The following RIT2 variants were observed in gnomAD, a reference collection of about 807,000 sequenced individuals.
RIT2 encodes the protein GTP-binding protein Rit2.
In RIT2, 24 loss-of-function variants were observed where a neutral mutation model predicts 23.7. The ratio of observed to expected loss-of-function variants is 1.01; its 90% confidence interval spans 0.73 to 1.43. RIT2 has a LOEUF of 1.43. Ranked by LOEUF, RIT2 falls within the 40% of genes most tolerant of loss-of-function variation. The pLI is 0.00. For missense variants in RIT2, 236 were observed against 266.9 expected (o/e 0.88, Z 0.81); for synonymous variants, 107 against 91.1 (o/e 1.17, Z -0.99).
intron 3 of RIT2, among the ~76,000 whole-genome samples, chr18:42,935,968 C>A (rs1486223739): frequency 6.6e-6 from 1 of 151,664 alleles, no homozygotes; most frequent in Non-Finnish European, 1.5e-5. Flanking sequence ...ATTTGGCCCG[C>A]GGGCAATCCA....
At chr18:42,748,666 A>G (rs1912975053) in intron 4 of RIT2, among the ~76,000 whole-genome samples, 1 of 152,042 alleles carries the variant, frequency 6.6e-6, no homozygotes, top group South Asian at 2.1e-4. Context: ...ACAATTCACA[A>G]ATGCAAAAAC....
At chr18:42,944,671 G>T (rs1231228016) in intron 3 of RIT2, among the ~76,000 whole-genome samples, 1 of 152,082 alleles carries the variant, frequency 6.6e-6, no homozygotes, top group Non-Finnish European at 1.5e-5. Flanking sequence ...AAATTCCATT[G>T]TTGTTGTTGA....
chr18:43,009,173 A>G (rs902495447), intron 2 of RIT2, among the ~76,000 whole-genome samples: 1 of 151,676 alleles, frequency 6.6e-6, no homozygotes, highest in Non-Finnish European at 1.5e-5. Flanking sequence ...AAAAAACCGA[A>G]GACATCCTAA....
chr18:42,780,926 G>A (rs1913797186), intron 4 of RIT2, among the ~76,000 whole-genome samples: 1 of 151,490 alleles, frequency 6.6e-6, no homozygotes, highest in Non-Finnish European at 1.5e-5. Context: ...CACAATGTTA[G>A]ATGGTACTAT....
Position 42,743,499 on chromosome 18 carries a change from C to T in RIT2, c.648G>A (p.Met216Ile). Residue 216 changes from methionine to isoleucine, a missense_variant, in exon 5 of 5, where the codon ATG becomes ATA. Transcript: ENST00000326695. ...GAACTCAAAAGCAAAGATATCATGTCATATTTTCTCTCTTCTTCTTCAAAG... is the reference window on the plus strand; with the variant it reads ...GAACTCAAAAGCAAAGATATCATGTTATATTTTCTCTCTTCTTCTTCAAAG... Reference protein sequence around the residue: ...KGSLKKKRENMT With the variant: ...KGSLKKKRENIT 1.9e-6 allele frequency: 3 copies of T among 1,608,874 alleles called. No individual in the cohort carries two copies. Among genetic ancestry groups the T allele is most frequent in the Middle Eastern group, 1.7e-4 (1 of 6,044 alleles).
intron 4 of RIT2, among the ~76,000 whole-genome samples, chr18:42,796,717 A>G (rs2143955546): frequency 6.6e-6 from 1 of 152,294 alleles, no homozygotes; most frequent in Middle Eastern, 3.4e-3. Context: ...TGTTCCCTTC[A>G]TGGAAGAGTT....
intron 4 of RIT2, among the ~76,000 whole-genome samples, chr18:42,761,601 A>G (rs1913304749): frequency 6.6e-6 from 1 of 152,240 alleles, no homozygotes; most frequent in African/African-American, 2.4e-5. Flanking sequence ...CAACTCTTTA[A>G]GAATTTCAAT....
chr18:43,102,569 T>C (rs1348015458), intron 1 of RIT2, among the ~76,000 whole-genome samples: 1 of 151,962 alleles, frequency 6.6e-6, no homozygotes, highest in Admixed American at 6.6e-5. Flanking sequence ...CCTAATCTTT[T>C]GCTTTCAAGG....
chr18:43,064,730 A>C (rs1411258985), intron 1 of RIT2, among the ~76,000 whole-genome samples: 1 of 152,224 alleles, frequency 6.6e-6, no homozygotes, highest in Non-Finnish European at 1.5e-5. Context: ...CTCATTCTAA[A>C]TAAGGTGACT....
At chr18:42,768,505 T>C (rs781368511) in intron 4 of RIT2, among the ~76,000 whole-genome samples, 1 of 152,186 alleles carries the variant, frequency 6.6e-6, no homozygotes, top group African/African-American at 2.4e-5. Context: ...AATTAGTTTC[T>C]ATGACAGTTT....
intron 4 of RIT2, among the ~76,000 whole-genome samples, chr18:42,780,479 C>T (rs1420886661): frequency 1.3e-5 from 2 of 152,062 alleles, no homozygotes; most frequent in Non-Finnish European, 2.9e-5. Flanking sequence ...AGGTGTCAGA[C>T]TCTCTGGAAA....
intron 3 of RIT2, among the ~76,000 whole-genome samples, chr18:42,955,492 G>A (rs1598729076): frequency 6.6e-6 from 1 of 152,110 alleles, no homozygotes; most frequent in East Asian, 1.9e-4. Flanking sequence ...GTACTGTCAG[G>A]TTAGGACTTA....
intron 2 of RIT2, among the ~76,000 whole-genome samples, chr18:43,019,620 C>T (rs1490456514): frequency 6.6e-6 from 1 of 151,950 alleles, no homozygotes; most frequent in African/African-American, 2.4e-5. Context: ...CCTTCAAGAA[C>T]CAGAATAATA....
At chr18:43,007,736 A>G (rs1421638879) in intron 2 of RIT2, among the ~76,000 whole-genome samples, 1 of 151,712 alleles carries the variant, frequency 6.6e-6, no homozygotes, top group Non-Finnish European at 1.5e-5. Context: ...TCACAATAAC[A>G]TATGGTTACT....
chr18:42,994,313 A>G (rs1394738240), intron 2 of RIT2, among the ~76,000 whole-genome samples: 3 of 152,114 alleles, frequency 2.0e-5, no homozygotes, highest in East Asian at 1.9e-4. Flanking sequence ...CTAGCTCGGC[A>G]TAATTCTTCA....
chr18:42,948,776 C>A (rs529170321), intron 3 of RIT2, among the ~76,000 whole-genome samples: 1 of 152,142 alleles, frequency 6.6e-6, no homozygotes, highest in East Asian at 1.9e-4. Flanking sequence ...TGGAGCAAAC[C>A]AAAAGCATGC....
intron 4 of RIT2, among the ~76,000 whole-genome samples, chr18:42,817,566 TA>T (rs1246681292): frequency 4.6e-5 from 7 of 152,112 alleles, no homozygotes; most frequent in African/African-American, 1.7e-4. Flanking sequence ...ATAATGGAAG[TA>T]AAACTGTATT....
chr18:42,757,236 C>A (rs1913184905), intron 4 of RIT2, among the ~76,000 whole-genome samples: 1 of 152,192 alleles, frequency 6.6e-6, no homozygotes, highest in Non-Finnish European at 1.5e-5. Flanking sequence ...ATTAACATAT[C>A]TGTGCAATTC....
At chr18:42,868,113 A>G (rs998030896) in intron 4 of RIT2, among the ~76,000 whole-genome samples, 1 of 152,202 alleles carries the variant, frequency 6.6e-6, no homozygotes, top group Non-Finnish European at 1.5e-5. Flanking sequence ...AGTAGACACA[A>G]GCATATTTTT....
Sources: gnomAD v4.1 joint callset for allele counts (sites outside exome capture counted in the v4.1 genomes callset) on GRCh38, gnomAD v4.1.1 for gene constraint, MANE v1.5 for transcripts, NCBI Gene and HGNC (gene_info 2026-07-23, HGNC 2026-07-21) for gene names.